The following PRR5 variants were observed in gnomAD, a reference collection of about 807,000 sequenced individuals.
PRR5 encodes proline rich 5.
A neutral mutation model predicts 30.6 loss-of-function variants in PRR5; 25 were observed. That is an observed-to-expected ratio of 0.82 (90% CI 0.60 to 1.14). PRR5 has a LOEUF of 1.14. Ranked by LOEUF, PRR5 falls within the 50% of genes most tolerant of loss-of-function variation. The probability of loss-of-function intolerance (pLI) is 0.00; values close to 1 mark genes in which losing one functional copy is unlikely to be tolerated. For synonymous variants in PRR5, 286 were observed against 247.1 expected, an observed-to-expected ratio of 1.16 and a Z score of -1.48; for missense variants, 600 against 547.1, an observed-to-expected ratio of 1.10 and a Z score of -0.96.
chr22:44,678,888 ATGAAT>A (rs1052919073), intron 1 of PRR5, among the ~76,000 whole-genome samples: 1 of 152,166 alleles, frequency 6.6e-6, no homozygotes, highest in Non-Finnish European at 1.5e-5. Context: ...GCAGCATTCG[ATGAAT>A]TGAGAGCACG....
upstream of PRR5, among the ~76,000 whole-genome samples, chr22:44,698,312 GTC>G (rs1311932578): frequency 6.6e-6 from 1 of 150,670 alleles, no homozygotes; most frequent in African/African-American, 2.5e-5. Context: ...GTGTGAATGA[GTC>G]TGGAGCAGGG....
chr22:44,728,586 G>A (rs1257567618), intron 4 of PRR5, among the ~76,000 whole-genome samples: 1 of 152,240 alleles, frequency 6.6e-6, no homozygotes, highest in Admixed American at 6.5e-5. Context: ...CCCTTGAGTA[G>A]GGCCTCAAAG....
intron 2 of PRR5, among the ~76,000 whole-genome samples, chr22:44,722,312 T>C (rs778856286): frequency 6.6e-6 from 1 of 152,228 alleles, no homozygotes; most frequent in Non-Finnish European, 1.5e-5. Flanking sequence ...TAACATCACC[T>C]GTCAGGTGGC....
At chr22:44,690,569 A>G (rs1285737423) in intron 1 of PRR5, among the ~76,000 whole-genome samples, 1 of 152,120 alleles carries the variant, frequency 6.6e-6, no homozygotes, top group African/African-American at 2.4e-5. Flanking sequence ...GGGAGATGTG[A>G]TGAGGATTCT....
intron 1 of PRR5, among the ~76,000 whole-genome samples, chr22:44,694,319 C>T (rs893064205): frequency 6.6e-6 from 1 of 152,144 alleles, no homozygotes; most frequent in Non-Finnish European, 1.5e-5. Flanking sequence ...AGGTGGATCA[C>T]TTGAGGTCAG....
At chr22:44,699,586 A>G (rs74958718), upstream of PRR5, among the ~76,000 whole-genome samples, 2,629 of 152,322 alleles carry the variant, frequency 0.017, 29 homozygotes, top group East Asian at 0.042. Flanking sequence ...GTTAAACCAA[A>G]TATCTATGAA....
chr22:44,724,445 A>G (rs1201439745), intron 2 of PRR5, among the ~76,000 whole-genome samples: 1 of 152,212 alleles, frequency 6.6e-6, no homozygotes, highest in East Asian at 1.9e-4. Context: ...AAAAAGAAAA[A>G]AAAAAAGTTT....
intron 1 of PRR5, among the ~76,000 whole-genome samples, chr22:44,708,612 C>T (rs902337062): frequency 6.6e-6 from 1 of 152,136 alleles, no homozygotes; most frequent in African/African-American, 2.4e-5. Context: ...TTTCATTCCC[C>T]ACAGTAACCT....
chr22:44,737,054 C>T lies in PRR5; in HGVS notation c.974C>T (p.Thr325Met), dbSNP rs771629067. The T allele has an allele frequency of 1.1e-5, 18 of 1,607,956 alleles. No homozygotes were observed. The highest frequency in any genetic ancestry group is 6.6e-5 in the South Asian group (6 of 91,030). The change falls in exon 8 of 8, where the codon ACG becomes ATG. Residue 325 changes from threonine to methionine, a missense_variant. By Grantham distance (81) the Thr-to-Met change is moderately conservative. Transcript: ENST00000336985. ...SGPCPSRLYPTTQPPEQGLDP... is the reference protein window; with the variant it reads ...SGPCPSRLYPMTQPPEQGLDP... The stretch of plus-strand genomic sequence containing the variant: ...CCCTGCCCCAGCAGACTGTACCCCA[C>T]GACCCAGCCCCCTGAGCAGGGCTTG...
At chr22:44,672,870 A>G (rs111590889), upstream of PRR5, among the ~76,000 whole-genome samples, 4,115 of 152,264 alleles carry the variant, frequency 0.027, 77 homozygotes, top group Non-Finnish European at 0.04. Flanking sequence ...GACTGCCCAG[A>G]GCCATAGCAA....
chr22:44,702,229 C>G lies in PRR5; in HGVS notation c.-246C>G, dbSNP rs1312095211. On this transcript the variant is annotated 5_prime_UTR_variant, in exon 1 of 8. Coordinates refer to ENST00000336985, the MANE Select transcript of PRR5 (RefSeq NM_181333.4). ...GGCCTCCGTTTGCGCCGGGTCTGTG[C>G]TGGCCGCGCGCCTGGCGCTCCACGC... 6 of 1,111,050 alleles carry G rather than the reference C, an allele frequency of 5.4e-6. No homozygotes were observed. In the East Asian group the frequency reaches 1.5e-4, roughly 27 times the overall value. 68.8% of individuals were successfully genotyped at this position (1,111,050 alleles called of 1,614,324 possible).
Position 44,737,282 on chromosome 22 carries a change from G to A in PRR5, c.*35G>A, listed in dbSNP as rs774996486. 7.7e-6 allele frequency: 12 copies of A among 1,567,208 alleles called. No individual in the cohort carries two copies. The highest frequency in any genetic ancestry group is 4.0e-5 in the African/African-American group (3 of 74,278). On this transcript the variant is annotated 3_prime_UTR_variant, in exon 8 of 8. Coordinates refer to ENST00000336985, the MANE Select transcript of PRR5 (RefSeq NM_181333.4). ...GCTGGCCTTGAGTTTTTACTGACAC[G>A]TCCCTGTGTGCGGGGGTGTCCATGT... is the stretch of plus-strand genomic sequence containing the variant.
chr22:44,704,119 G>C (rs1234088306), intron 1 of PRR5, among the ~76,000 whole-genome samples: 2 of 152,184 alleles, frequency 1.3e-5, no homozygotes, highest in African/African-American at 4.8e-5. Flanking sequence ...ATTTGAACAT[G>C]CAAAATAAAG....
At chr22:44,733,054 G>A (rs1487280895) in intron 6 of PRR5, among the ~76,000 whole-genome samples, 8 of 152,218 alleles carry the variant, frequency 5.3e-5, no homozygotes, top group South Asian at 2.1e-4. Context: ...TTGCATGCAC[G>A]CACACATACA....
chr22:44,672,523 G>A (rs1028065625), upstream of PRR5, among the ~76,000 whole-genome samples: 3 of 152,340 alleles, frequency 2.0e-5, no homozygotes, highest in Non-Finnish European at 2.9e-5. Context: ...GGCAGAGGCT[G>A]TAGTGAGCTG....
rs147296671 is a variant in PRR5, at chr22:44,730,283, G to A, written c.323-1447G>A. 40 of 985,190 alleles carry A rather than the reference G, an allele frequency of 4.1e-5. No homozygotes were observed. The African/African-American group carries it at 4.9e-4, about 12-fold the overall frequency. 61.0% of individuals were successfully genotyped at this position (985,190 alleles called of 1,614,324 possible). On this transcript the variant is annotated intron_variant, in intron 4 of 7. Coordinates refer to ENST00000336985, the MANE Select transcript of PRR5 (RefSeq NM_181333.4). ...CGCAGCCTGAGAGACAGCCGGCAAC[G>A]CTTCCCTCTTCACTCAGAGGCGCCC... is the stretch of plus-strand genomic sequence containing the variant.
In PRR5 at chr22:44,735,061, A is replaced by G; in HGVS notation, c.590A>G (p.Tyr197Cys). ...GAGTCCAGGGGCGTGACTGAGGACT[A>G]CCTGCGCCTGGAGACGCTGGTCCAG... is the stretch of plus-strand genomic sequence containing the variant. ...VHESRGVTED[Y>C]LRLETLVQKV... is the part of the protein sequence containing the mutation. Residue 197 changes from tyrosine (Y) to cysteine (C), a missense_variant, in exon 7 of 8, where the codon TAC becomes TGC. Tyr to Cys is a radical substitution (Grantham distance 194). Transcript: ENST00000336985. 6.2e-7 allele frequency: 1 copy of G among 1,612,378 alleles called. No homozygotes were observed. Among genetic ancestry groups the G allele is most frequent in the Non-Finnish European group, 8.5e-7 (1 of 1,179,210 alleles).
upstream of PRR5, among the ~76,000 whole-genome samples, chr22:44,675,119 A>G (rs1923655876): frequency 6.6e-6 from 1 of 150,696 alleles, no homozygotes; most frequent in East Asian, 2.0e-4. Context: ...GCGTGGTGGC[A>G]GTCGCCTGTA....
At chr22:44,734,713 C>T (rs550076064) in intron 6 of PRR5, 1 of 389,852 alleles carries the variant, frequency 2.6e-6, no homozygotes. Flanking sequence ...CTCTAGGACT[C>T]TTGAGTACAG....
Sources: gnomAD v4.1 joint callset for allele counts (sites outside exome capture counted in the v4.1 genomes callset) on GRCh38, gnomAD v4.1.1 for gene constraint, MANE v1.5 for transcripts, NCBI Gene and HGNC (gene_info 2026-07-23, HGNC 2026-07-21) for gene names.